CNTN1: variants seen among roughly 807,000 people sequenced by gnomAD.
CNTN1 encodes contactin 1.
A neutral mutation model predicts 126.4 loss-of-function variants in CNTN1; 38 were observed. The observed-to-expected ratio is 0.30, with a 90% CI of 0.23 to 0.39. The LOEUF (loss-of-function observed/expected upper bound fraction) is 0.39, where lower values mean the gene tolerates loss of function less well. Ranked by LOEUF, CNTN1 falls within the 10% of genes least tolerant of loss-of-function variation. The probability of loss-of-function intolerance (pLI) is 1.00; values close to 1 mark genes in which losing one functional copy is unlikely to be tolerated. For missense variants in CNTN1, 1,009 were observed against 1,248.4 expected, an observed-to-expected ratio of 0.81 and a Z score of 2.89; for synonymous variants, 413 against 422.6, an observed-to-expected ratio of 0.98 and a Z score of 0.28.
At chr12:40,924,795 T>G (rs566391368) in intron 6 of CNTN1, 143 bp downstream of exon 6, 144 of 619,036 alleles carry the variant, frequency 2.3e-4, no homozygotes, top group Non-Finnish European at 4.1e-4. Context: ...CCTTGTAATG[T>G]GTCACTAATT....
intron 20 of CNTN1, among the ~76,000 whole-genome samples, chr12:41,024,021 T>C (rs1948984788): frequency 6.6e-6 from 1 of 151,942 alleles, no homozygotes; most frequent in Non-Finnish European, 1.5e-5. Flanking sequence ...CTTTGAGGAG[T>C]TTTATAAATG....
intron 23 of CNTN1, among the ~76,000 whole-genome samples, chr12:41,036,156 T>C (rs181352245): frequency 1.1e-3 from 175 of 152,268 alleles, no homozygotes; most frequent in Non-Finnish European, 1.8e-3. Flanking sequence ...AAGCAAATCA[T>C]GACAAGATCT....
intron 1 of CNTN1, among the ~76,000 whole-genome samples, chr12:40,885,129 T>A (rs12316567): frequency 0.2 from 29,605 of 151,714 alleles, 5,041 homozygotes; most frequent in African/African-American, 0.47. Flanking sequence ...GCAAGCAATA[T>A]AAATGTAAGC....
At chr12:40,976,774 A>T (rs558870570) in intron 15 of CNTN1, among the ~76,000 whole-genome samples, 166 of 152,230 alleles carry the variant, frequency 1.1e-3, no homozygotes, top group Admixed American at 1.6e-3. Context: ...CTGCTGAGAG[A>T]CACTGCAGGG....
chr12:41,007,330 G>C (rs1351670039), intron 17 of CNTN1, among the ~76,000 whole-genome samples: 1 of 152,104 alleles, frequency 6.6e-6, no homozygotes, highest in Non-Finnish European at 1.5e-5. Context: ...AAAGTGCTGG[G>C]ATTACAGGCG....
chr12:40,732,740 T>C (rs897879323), intron 1 of CNTN1, among the ~76,000 whole-genome samples: 4 of 152,108 alleles, frequency 2.6e-5, no homozygotes, highest in Non-Finnish European at 5.9e-5. Flanking sequence ...TCCAAATGTT[T>C]GGATAAGCTG....
intron 1 of CNTN1, among the ~76,000 whole-genome samples, chr12:40,698,425 A>G (rs183879937): frequency 3.2e-3 from 489 of 151,674 alleles, no homozygotes; most frequent in Non-Finnish European, 5.7e-3. Context: ...TTTAGTAGAG[A>G]TGGGGTTTCA....
intron 1 of CNTN1, among the ~76,000 whole-genome samples, chr12:40,754,585 T>C (rs1387563799): frequency 6.6e-6 from 1 of 152,066 alleles, no homozygotes; most frequent in East Asian, 1.9e-4. Context: ...AGCAACTGTA[T>C]CTTCTTTTGC....
chr12:40,937,481 C>T, intron 10 of CNTN1, 89 bp from the exon 11 acceptor site: 2 of 861,224 alleles, frequency 2.3e-6, no homozygotes, highest in Non-Finnish European at 4.0e-6. Context: ...CATAATGTAT[C>T]TAAATGAAAA....
intron 1 of CNTN1, among the ~76,000 whole-genome samples, chr12:40,749,785 A>ATTTTTTT (rs1255578295): frequency 1.7e-4 from 26 of 151,808 alleles, no homozygotes; most frequent in South Asian, 4.2e-4. Flanking sequence ...GTAAATCTAT[A>ATTTTTTT]TGTCGTGGCA....
intron 23 of CNTN1, among the ~76,000 whole-genome samples, chr12:41,040,843 A>G (rs1315392925): frequency 3.4e-5 from 5 of 147,118 alleles, no homozygotes; most frequent in African/African-American, 1.3e-4. Flanking sequence ...CTAGATATAC[A>G]ATCATGTCAT....
chr12:41,027,444 C>A (rs528625345), intron 21 of CNTN1, among the ~76,000 whole-genome samples: 1 of 152,192 alleles, frequency 6.6e-6, no homozygotes, highest in African/African-American at 2.4e-5. Flanking sequence ...TTGTTAAGAT[C>A]TGAATTTAAG....
intron 16 of CNTN1, among the ~76,000 whole-genome samples, chr12:40,982,862 T>C (rs955876417): frequency 1.6e-4 from 24 of 147,316 alleles, no homozygotes; most frequent in African/African-American, 5.8e-4. Flanking sequence ...GTATTTCTCA[T>C]ATTCTCACTC....
intron 23 of CNTN1, among the ~76,000 whole-genome samples, chr12:41,059,931 T>A (rs188735721): frequency 1.3e-5 from 2 of 152,106 alleles, no homozygotes; most frequent in Admixed American, 6.5e-5. Context: ...AAGGCTGAAG[T>A]GAGAGGATCA....
At chr12:40,786,175 G>A (rs529957982) in intron 1 of CNTN1, among the ~76,000 whole-genome samples, 1 of 152,160 alleles carries the variant, frequency 6.6e-6, no homozygotes, top group Non-Finnish European at 1.5e-5. Context: ...ACTCATTTGG[G>A]TTATTGGCAG....
intron 1 of CNTN1, among the ~76,000 whole-genome samples, chr12:40,892,996 A>T (rs779292877): frequency 5.3e-5 from 8 of 151,974 alleles, no homozygotes; most frequent in Non-Finnish European, 1.2e-4. Context: ...AGTTGAAAAC[A>T]TAAAAATATT....
chr12:41,030,681 A>C (rs1385024454), intron 23 of CNTN1, among the ~76,000 whole-genome samples: 2 of 152,112 alleles, frequency 1.3e-5, no homozygotes, highest in African/African-American at 2.4e-5. Flanking sequence ...ATTTTCATAA[A>C]TTAATCTTTC....
At chr12:41,010,997 C>T (rs1948638589) in intron 17 of CNTN1, among the ~76,000 whole-genome samples, 1 of 152,140 alleles carries the variant, frequency 6.6e-6, no homozygotes, top group African/African-American at 2.4e-5. Context: ...GAATTTTCTG[C>T]TGCCTGCAGA....
chr12:40,778,434 A>G (rs1415812683), intron 1 of CNTN1, among the ~76,000 whole-genome samples: 2 of 151,896 alleles, frequency 1.3e-5, no homozygotes, highest in Non-Finnish European at 2.9e-5. Flanking sequence ...GAAAGAACAA[A>G]GTATTTATCT....
Sources: allele counts gnomAD v4.1 joint callset (sites outside exome capture counted in the v4.1 genomes callset), GRCh38; gene constraint gnomAD v4.1.1; transcripts MANE v1.5; gene names NCBI Gene and HGNC (gene_info 2026-07-23, HGNC 2026-07-21).